Variants in CHST4 observed in about 807,000 individuals in gnomAD.
CHST4 encodes carbohydrate sulfotransferase 4, also known as GST-3.
For missense variants in CHST4, 466 were observed against 506.0 expected (o/e 0.92, Z 0.76); for synonymous variants, 171 against 195.5 (o/e 0.87, Z 1.05).
At position 71,537,730 on chromosome 16, in the gene CHST4, C is replaced by T. The variant is rs1209201255; in HGVS notation, c.1053C>T (p.Gly351=). 1.2e-6 allele frequency: 2 copies of T among 1,614,062 alleles called. No homozygotes were observed. The highest frequency in any genetic ancestry group is 2.2e-5 in the South Asian group (2 of 91,076). Residue 351 remains glycine, a synonymous_variant, in exon 2 of 2, where the codon GGC becomes GGT. Transcript: ENST00000539698. This position sits in a 1 kb window ranked among gnomAD's most constrained non-coding sequence, Gnocchi z 4.2. ...TTTCTCGACTTCAGAAAGCCTGTGG[C>T]GATGCCATGAATTTGCTGGGCTACC... The part of the protein sequence containing the change: ...EKVSRLQKAC[G]DAMNLLGYRH...
rs372182268 is a variant in CHST4, at chr16:71,531,090, A to G, written c.-19+4595A>G. 1.1e-4 allele frequency among the ~76,000 whole-genome samples: 16 copies of G among 152,258 alleles called. No individual in the cohort carries two copies. The East Asian group carries it at 2.1e-3, about 20-fold the overall frequency. Reference sequence around the variant, plus strand: ...AATAAATAGTAATTTAAAAAAAATGAAAAAGGTAGTTTTTGGCAGCAGTGG... The same window carrying G: ...AATAAATAGTAATTTAAAAAAAATGGAAAAGGTAGTTTTTGGCAGCAGTGG... On this transcript the variant is annotated intron_variant, in intron 1 of 1. Coordinates refer to ENST00000539698, the MANE Select transcript of CHST4 (RefSeq NM_001166395.2).
Position 71,538,087 on chromosome 16 carries a change from T to C in CHST4, c.*249T>C. On this transcript the variant is annotated 3_prime_UTR_variant, in exon 2 of 2. Coordinates refer to ENST00000539698, the MANE Select transcript of CHST4 (RefSeq NM_001166395.2). Reference sequence around the variant, plus strand: ...AAACAGGGTATTGCTCTTCTTCTTTTCTTGATCTTCCTGTCTGGGCAGACT... The same window carrying C: ...AAACAGGGTATTGCTCTTCTTCTTTCCTTGATCTTCCTGTCTGGGCAGACT... 2 of 526,264 alleles carry C rather than the reference T, an allele frequency of 3.8e-6. No homozygotes were observed. The highest frequency in any genetic ancestry group is 3.4e-6 in the Non-Finnish European group (1 of 290,400). The allele number at this position is 526,264 out of a possible 1,614,324, so 32.6% of individuals were successfully genotyped here.
In CHST4 at chr16:71,537,700, A is replaced by T; in HGVS notation, c.1023A>T (p.Glu341Asp). 6.2e-7 allele frequency: 1 copy of T among 1,614,222 alleles called. No individual in the cohort carries two copies. The highest frequency in any genetic ancestry group is 8.5e-7 in the Non-Finnish European group (1 of 1,180,048). ...CTTGGCGCTGGTCTTTGCCCTATGAAAAGGTTTCTCGACTTCAGAAAGCCT... is the reference window on the plus strand; with the variant it reads ...CTTGGCGCTGGTCTTTGCCCTATGATAAGGTTTCTCGACTTCAGAAAGCCT... ...SQAWRWSLPY[E>D]KVSRLQKACG... The change falls in exon 2 of 2, where the codon GAA becomes GAT. Residue 341 changes from glutamate (E) to aspartate (D), a missense_variant. Transcript: ENST00000539698. This position sits in a 1 kb window ranked among gnomAD's most constrained non-coding sequence, Gnocchi z 4.2.
chr16:71,538,067 G>C lies in CHST4; in HGVS notation c.*229G>C. On this transcript the variant is annotated 3_prime_UTR_variant, in exon 2 of 2. Transcript: ENST00000539698. ...AGCAGCACATCCCACCAGTGAAACAGGGTATTGCTCTTCTTCTTTTCTTGA... is the reference window on the plus strand; with the variant it reads ...AGCAGCACATCCCACCAGTGAAACACGGTATTGCTCTTCTTCTTTTCTTGA... 1 of 572,138 alleles carries C rather than the reference G, an allele frequency of 1.7e-6. No homozygotes were observed. The highest frequency in any genetic ancestry group is 3.4e-5 in the Admixed American group (1 of 29,688). The allele number at this position is 572,138 out of a possible 1,614,324, so 35.4% of individuals were successfully genotyped here. A position where few individuals can be genotyped will look rare whatever the true frequency, so the allele number is the denominator to read the frequency against.
intron 1 of CHST4, among the ~76,000 whole-genome samples, chr16:71,530,162 T>A (rs2043937330): frequency 6.7e-6 from 1 of 150,372 alleles, no homozygotes; most frequent in South Asian, 2.1e-4. Flanking sequence ...AAAAAAAAAG[T>A]CTCAGGAGAA....
chr16:71,527,692 C>T (rs955816937), intron 1 of CHST4, among the ~76,000 whole-genome samples: 10 of 151,850 alleles, frequency 6.6e-5, no homozygotes, highest in Non-Finnish European at 1.3e-4. Flanking sequence ...TGCAGTGAGC[C>T]GAGATCCTGC....
Position 71,537,488 on chromosome 16 carries a change from T to C in CHST4, c.811T>C (p.Tyr271His). 1 of 1,614,216 alleles carries C rather than the reference T, an allele frequency of 6.2e-7. No individual in the cohort carries two copies. The highest frequency in any genetic ancestry group is 2.2e-5 in the East Asian group (1 of 44,874). Residue 271 changes from tyrosine to histidine, a missense_variant, in exon 2 of 2, where the codon TAC (tyrosine) becomes CAC (histidine). By Grantham distance (83) the Tyr-to-His change is moderately conservative. Transcript: ENST00000539698. The surrounding 1 kb of genome is among the most constrained non-coding windows in gnomAD (Gnocchi z 4.2). ...CTTGCCCAAGGCCCTGCAGGAACGCTACCTGCTTGTGCGCTATGAGGACCT... is the reference window on the plus strand; with the variant it reads ...CTTGCCCAAGGCCCTGCAGGAACGCCACCTGCTTGTGCGCTATGAGGACCT... ...QSLPKALQER[Y>H]LLVRYEDLAR...
intron 1 of CHST4, among the ~76,000 whole-genome samples, chr16:71,533,544 C>T (rs1315059903): frequency 6.6e-6 from 1 of 152,008 alleles, no homozygotes; most frequent in Non-Finnish European, 1.5e-5. Context: ...GACAAAACAC[C>T]AGCTAGCAGA....
At chr16:71,535,209 T>C (rs2043978413) in intron 1 of CHST4, among the ~76,000 whole-genome samples, 1 of 152,182 alleles carries the variant, frequency 6.6e-6, no homozygotes, top group African/African-American at 2.4e-5. Flanking sequence ...GTCTCAGCCT[T>C]TCACCCAGGC....
intron 1 of CHST4, among the ~76,000 whole-genome samples, chr16:71,529,323 C>G (rs976588249): frequency 6.6e-6 from 1 of 152,018 alleles, no homozygotes; most frequent in African/African-American, 2.4e-5. Flanking sequence ...CATACTGCAT[C>G]TAACCCATGC....
At chr16:71,533,004 C>T (rs1202583581) in intron 1 of CHST4, among the ~76,000 whole-genome samples, 1 of 152,110 alleles carries the variant, frequency 6.6e-6, no homozygotes, top group Non-Finnish European at 1.5e-5. Flanking sequence ...TAAAGGGCAG[C>T]ACAGAACAGA....
chr16:71,527,730 G>A (rs1216618897), intron 1 of CHST4, among the ~76,000 whole-genome samples: 2 of 151,170 alleles, frequency 1.3e-5, no homozygotes, highest in African/African-American at 4.9e-5. Flanking sequence ...GGCAACAAGA[G>A]CAAAACTCCA....
intron 1 of CHST4, among the ~76,000 whole-genome samples, chr16:71,535,702 T>C (rs1321245547): frequency 1.3e-5 from 2 of 152,132 alleles, no homozygotes; most frequent in African/African-American, 4.8e-5. Context: ...AGTGATACAG[T>C]TCTGAGATCT....
chr16:71,530,880 A>G (rs2145203053), intron 1 of CHST4, among the ~76,000 whole-genome samples: 1 of 152,276 alleles, frequency 6.6e-6, no homozygotes, highest in South Asian at 2.1e-4. Context: ...TAGGAGTTTG[A>G]GACCAGCCTG....
chr16:71,530,415 T>G (rs1444878112), intron 1 of CHST4, among the ~76,000 whole-genome samples: 1 of 152,222 alleles, frequency 6.6e-6, no homozygotes, highest in African/African-American at 2.4e-5. Context: ...TAATCCCATA[T>G]ACACTGGAAA....
At chr16:71,534,502 C>A (rs1348910709) in intron 1 of CHST4, among the ~76,000 whole-genome samples, 1 of 151,924 alleles carries the variant, frequency 6.6e-6, no homozygotes, top group Non-Finnish European at 1.5e-5. Context: ...GGATTACAGG[C>A]ACCAGCCAAC....
intron 1 of CHST4, among the ~76,000 whole-genome samples, chr16:71,528,758 A>G (rs1489113466): frequency 1.3e-5 from 2 of 151,060 alleles, no homozygotes; most frequent in Non-Finnish European, 2.9e-5. Context: ...ATTAGTATCT[A>G]TCTGGTTTTT....
intron 1 of CHST4, among the ~76,000 whole-genome samples, chr16:71,532,354 T>G (rs1379202777): frequency 6.6e-6 from 1 of 152,072 alleles, no homozygotes; most frequent in Non-Finnish European, 1.5e-5. Flanking sequence ...GCCTAGCTGG[T>G]CCTGTTCTAA....
chr16:71,526,384 A>AGG (rs2043907490), upstream of CHST4: 1 of 152,302 alleles, frequency 6.6e-6, no homozygotes, highest in Non-Finnish European at 1.5e-5. Context: ...GGTTATGCAA[A>AGG]AGCAAGTAGG....
Sources: allele counts gnomAD v4.1 joint callset (sites outside exome capture counted in the v4.1 genomes callset), GRCh38; gene constraint gnomAD v4.1.1; non-coding constraint Gnocchi (gnomAD v3.1); transcripts MANE v1.5; gene names NCBI Gene and HGNC (gene_info 2026-07-23, HGNC 2026-07-21).